SMU1: variants seen among roughly 807,000 people sequenced by gnomAD.
The protein encoded by SMU1 is SMU1 DNA replication regulator and spliceosomal factor, also known as WD40 repeat-containing protein SMU1.
In SMU1, 2 loss-of-function variants were observed where a neutral mutation model predicts 62.0. The ratio of observed to expected loss-of-function variants is 0.03; its 90% CI spans 0.01 to 0.10. The LOEUF is 0.10. Ranked by LOEUF, SMU1 falls within the 10% of genes least tolerant of loss-of-function variation. SMU1 has a pLI of 1.00. For missense variants in SMU1, 227 were observed against 622.1 expected, an observed-to-expected ratio of 0.36 and a Z score of 6.76; for synonymous variants, 188 against 212.4, an observed-to-expected ratio of 0.89 and a Z score of 1.00.
intron 1 of SMU1, among the ~76,000 whole-genome samples, chr9:33,074,029 T>A (rs910780459): frequency 3.9e-5 from 6 of 152,246 alleles, no homozygotes; most frequent in South Asian, 2.1e-4. Context: ...AATGTCTCAG[T>A]CAGCTAGAAA....
At chr9:33,047,595 T>G (rs1043304095) in intron 11 of SMU1, among the ~76,000 whole-genome samples, 1 of 152,158 alleles carries the variant, frequency 6.6e-6, no homozygotes, top group Non-Finnish European at 1.5e-5. Context: ...CAGTGGCTCA[T>G]GTCTGCAATC....
rs1344571637 is a variant in SMU1 at position 33,055,947 on chromosome 9, T to C, written c.1122+166A>G. ...TTGGGGTCCCAAGGCCAATGGGAAT[T>C]ACCCACAGAATACTGTTGTTGTCTC... On this transcript the variant is annotated intron_variant, in intron 9 of 11. Coordinates refer to ENST00000397149, the MANE Select transcript of SMU1 (RefSeq NM_018225.3). 1.3e-5 allele frequency among the ~76,000 whole-genome samples: 2 copies of C among 152,204 alleles called. 1 individual carries two copies. The highest frequency in any genetic ancestry group is 2.9e-5 in the Non-Finnish European group (2 of 68,026).
Position 33,042,887 on chromosome 9 carries a change from G to A in SMU1, c.*4406C>T, listed in dbSNP as rs2119408160. ...GTCTTGCTCTGTCACCCAGGCTGGA[G>A]TGCAGTGGCACAGTCTCAGCTCACT... On this transcript the variant is annotated 3_prime_UTR_variant, in exon 12 of 12. Coordinates refer to ENST00000397149, the MANE Select transcript of SMU1 (RefSeq NM_018225.3). The A allele has an allele frequency of 2.0e-5, 3 of 152,478 alleles. 1 individual carries two copies. In the South Asian group the frequency reaches 6.2e-4, roughly 32 times the overall value. 9.4% of individuals were successfully genotyped at this position (152,478 alleles called of 1,614,324 possible). A position where few individuals can be genotyped will look rare whatever the true frequency, so the allele number is the denominator to read the frequency against.
intron 6 of SMU1, 125 bp from the exon 7 acceptor site, chr9:33,057,839 G>A: frequency 8.3e-6 from 10 of 1,206,790 alleles, no homozygotes; most frequent in Non-Finnish European, 1.2e-5. Context: ...AAACAGAAGT[G>A]CCGTGCATAC....
Position 33,048,135 on chromosome 9 carries a change from C to A in SMU1, c.1414G>T (p.Val472Phe). The change falls in exon 11 of 12, where the codon GTC becomes TTC. Residue 472 changes from valine to phenylalanine, a missense_variant. Val to Phe is a conservative substitution (Grantham distance 50). Transcript: ENST00000397149. Reference protein sequence around the residue: ...EDFVLYCFSTVTGKLERTLTV... With the variant: ...EDFVLYCFSTFTGKLERTLTV... ...AAAGTTCTCTCCAGTTTGCCAGTGA[C>A]TGTACTGAAACAGTAGAGCACAAAG... 6.2e-7 allele frequency: 1 copy of A among 1,614,050 alleles called. No individual in the cohort carries two copies. The highest frequency in any genetic ancestry group is 1.7e-4 in the Middle Eastern group (1 of 6,060).
intron 10 of SMU1, 96 bp from the exon 11 acceptor site, chr9:33,048,354 G>T: frequency 6.7e-7 from 1 of 1,495,230 alleles, no homozygotes. Context: ...TTGTTATTTT[G>T]CACTTTGGTT....
At chr9:33,072,207 T>A (rs770537724) in intron 2 of SMU1, among the ~76,000 whole-genome samples, 1 of 151,974 alleles carries the variant, frequency 6.6e-6, no homozygotes, top group Non-Finnish European at 1.5e-5. Context: ...TGTGGTGGTA[T>A]ATGCCTGTAA....
intron 4 of SMU1, among the ~76,000 whole-genome samples, chr9:33,068,062 G>A (rs1475046159): frequency 2.0e-5 from 3 of 152,128 alleles, no homozygotes; most frequent in Admixed American, 2.0e-4. Flanking sequence ...AATGTATAAA[G>A]TGTTTATGAA....
In SMU1 at chr9:33,048,167, C is replaced by G; in HGVS notation, c.1382G>C (p.Gly461Ala). 6.2e-7 allele frequency: 1 copy of G among 1,614,120 alleles called. No homozygotes were observed. Among genetic ancestry groups the G allele is most frequent in the Non-Finnish European group, 8.5e-7 (1 of 1,180,040 alleles). ...GAAACAGTAGAGCACAAAGTCCTCC[C>G]CTACACAGTAGATCCATTCACCACG... ...SPRGEWIYCVGEDFVLYCFST... is the reference protein window; with the variant it reads ...SPRGEWIYCVAEDFVLYCFST... The change falls in exon 11 of 12, where the codon GGG (glycine) becomes GCG (alanine). Residue 461 changes from glycine to alanine, a missense_variant. Transcript: ENST00000397149.
chr9:33,074,302 A>AC (rs1839518011), intron 1 of SMU1, among the ~76,000 whole-genome samples: 1 of 151,586 alleles, frequency 6.6e-6, no homozygotes, highest in South Asian at 2.1e-4. Flanking sequence ...ATCTCTACAA[A>AC]TTTTTTTTTA....
At chr9:33,055,735 G>C (rs1422088985) in intron 9 of SMU1, among the ~76,000 whole-genome samples, 1 of 152,202 alleles carries the variant, frequency 6.6e-6, no homozygotes, top group African/African-American at 2.4e-5. Context: ...CAACAAAAAA[G>C]AGATCTATTT....
At chr9:33,050,564 A>T (rs1839232533) in intron 10 of SMU1, among the ~76,000 whole-genome samples, 1 of 149,948 alleles carries the variant, frequency 6.7e-6, no homozygotes, top group Admixed American at 6.7e-5. Flanking sequence ...GTGGTGGCTC[A>T]GGCCTGTAAT....
chr9:33,057,064 T>C (rs546776253), intron 7 of SMU1, 100 bp from the exon 8 acceptor site: 47 of 1,289,264 alleles, frequency 3.6e-5, no homozygotes, highest in Middle Eastern at 2.0e-4. Context: ...ACTAATGTAC[T>C]GAAACAGCAT....
intron 8 of SMU1, 106 bp downstream of exon 8, chr9:33,056,731 T>C (rs1839308035): frequency 2.4e-6 from 3 of 1,241,204 alleles, no homozygotes; most frequent in African/African-American, 1.5e-5. Flanking sequence ...TATCACATCA[T>C]CATGGTAAAA....
chr9:33,062,660 T>A (rs577740057), intron 4 of SMU1, among the ~76,000 whole-genome samples: 25 of 152,290 alleles, frequency 1.6e-4, no homozygotes, highest in Admixed American at 3.3e-4. Context: ...GTAAAATATA[T>A]CCCATCTAGT....
intron 3 of SMU1, among the ~76,000 whole-genome samples, chr9:33,071,381 A>G (rs544673881): frequency 6.6e-6 from 1 of 152,328 alleles, no homozygotes; most frequent in East Asian, 1.9e-4. Flanking sequence ...GGAAACTACA[A>G]TTGTTAGGGG....
At chr9:33,076,208 G>A (rs1438338462) in intron 1 of SMU1, among the ~76,000 whole-genome samples, 1 of 152,198 alleles carries the variant, frequency 6.6e-6, no homozygotes, top group Non-Finnish European at 1.5e-5. Context: ...CATTGCATAA[G>A]CTGGACAGGG....
At chr9:33,067,105 G>A (rs901972764) in intron 4 of SMU1, among the ~76,000 whole-genome samples, 1 of 151,942 alleles carries the variant, frequency 6.6e-6, no homozygotes, top group African/African-American at 2.4e-5. Flanking sequence ...ATTTATGTAA[G>A]AAATTACATG....
At chr9:33,051,127 A>T (rs1430043873) in intron 10 of SMU1, among the ~76,000 whole-genome samples, 2 of 110,972 alleles carry the variant, frequency 1.8e-5, no homozygotes, top group African/African-American at 6.4e-5. Context: ...TCTCAAAAAA[A>T]AAAAAAAATA....
Sources: gnomAD v4.1 joint callset for allele counts (sites outside exome capture counted in the v4.1 genomes callset) on GRCh38, gnomAD v4.1.1 for gene constraint, MANE v1.5 for transcripts, NCBI Gene and HGNC (gene_info 2026-07-23, HGNC 2026-07-21) for gene names.